The following LUZP2 variants were observed in gnomAD, a reference collection of about 807,000 sequenced individuals.
LUZP2 encodes the protein leucine zipper protein 2.
A neutral mutation model predicts 51.6 loss-of-function variants in LUZP2; 52 were observed. The observed-to-expected ratio is 1.01, with a 90% CI of 0.81 to 1.27. LUZP2 has a LOEUF of 1.27. Among genes scored for constraint, LUZP2 ranks in the 50% most tolerant of loss-of-function variants. The probability of loss-of-function intolerance (pLI) is 0.00; values close to 1 mark genes in which losing one functional copy is unlikely to be tolerated. For synonymous variants in LUZP2, 154 were observed against 137.3 expected, an observed-to-expected ratio of 1.12 and a Z score of -0.85; for missense variants, 436 against 395.4, an observed-to-expected ratio of 1.10 and a Z score of -0.87.
chr11:24,758,324 CGT>C (rs34105960), intron 4 of LUZP2, among the ~76,000 whole-genome samples: 3,789 of 147,710 alleles, frequency 0.026, 146 homozygotes, highest in African/African-American at 0.084. Flanking sequence ...GAATGACTTG[CGT>C]GTGTGTGTGT....
In LUZP2 at chr11:24,920,454, C is replaced by T. The variant is rs144092007; in HGVS notation, c.522+5916C>T. Among the ~76,000 whole-genome samples the T allele has an allele frequency of 4.8e-3, 722 of 151,896 alleles. 6 individuals carry two copies. Among genetic ancestry groups the T allele is most frequent in the African/African-American group, 0.012 (507 of 41,460 alleles). On this transcript the variant is annotated intron_variant, in intron 7 of 11. Coordinates refer to ENST00000336930, the MANE Select transcript of LUZP2 (RefSeq NM_001009909.4). ...TCTCACTGTTGGGTATCTACTCCCC[C>T]AAAAAGAAATAATTAAATCAAAACT...
At chr11:24,979,123 G>A (rs1855956181) in intron 8 of LUZP2, among the ~76,000 whole-genome samples, 1 of 151,812 alleles carries the variant, frequency 6.6e-6, no homozygotes, top group East Asian at 1.9e-4. Flanking sequence ...ATTACACGTA[G>A]CCAAAAATTA....
chr11:24,798,534 C>T (rs11028180), intron 5 of LUZP2, among the ~76,000 whole-genome samples: 3,022 of 152,240 alleles, frequency 0.02, 43 homozygotes, highest in Non-Finnish European at 0.028. Flanking sequence ...AATATATTTG[C>T]GCCACAAGGG....
intron 5 of LUZP2, among the ~76,000 whole-genome samples, chr11:24,796,299 A>G (rs1849541846): frequency 6.6e-6 from 1 of 152,088 alleles, no homozygotes; most frequent in South Asian, 2.1e-4. Context: ...AGAGTTTTCT[A>G]TGTTTAGCAT....
At chr11:24,841,065 A>G (rs1391178050) in intron 5 of LUZP2, among the ~76,000 whole-genome samples, 2 of 151,948 alleles carry the variant, frequency 1.3e-5, no homozygotes, top group Non-Finnish European at 2.9e-5. Context: ...ACTTTGGAGT[A>G]GTGTTATAGA....
chr11:24,659,721 A>G (rs1311626107), intron 1 of LUZP2, among the ~76,000 whole-genome samples: 1 of 152,154 alleles, frequency 6.6e-6, no homozygotes, highest in African/African-American at 2.4e-5. Flanking sequence ...TAAAATTATT[A>G]AAATATTTTT....
At position 24,962,001 on chromosome 11, in the gene LUZP2, T is replaced by A. The variant is rs999774535; in HGVS notation, c.523-14590T>A. 5.9e-5 allele frequency among the ~76,000 whole-genome samples: 9 copies of A among 151,950 alleles called. 1 individual carries two copies. In the East Asian group the frequency reaches 1.7e-3, roughly 29 times the overall value. ...GTAAAGTATTTTATTTCTCCTTCAC[T>A]TATGAAGCTTAGTTTGGCTGGATAT... On this transcript the variant is annotated intron_variant, in intron 7 of 11. Transcript: ENST00000336930.
chr11:25,019,010 T>C (rs11028351), intron 9 of LUZP2, among the ~76,000 whole-genome samples: 88,976 of 152,078 alleles, frequency 0.59, 27,259 homozygotes, highest in African/African-American at 0.77. Context: ...TACCCTCCTC[T>C]CAACATGCAG....
intron 1 of LUZP2, among the ~76,000 whole-genome samples, chr11:24,691,155 C>A (rs1857052777): frequency 6.6e-6 from 1 of 151,914 alleles, no homozygotes; most frequent in African/African-American, 2.4e-5. Context: ...GCCACATGTT[C>A]TAAGCAGTCC....
intron 4 of LUZP2, among the ~76,000 whole-genome samples, chr11:24,758,331 G>A (rs912174318): frequency 1.3e-5 from 2 of 151,870 alleles, no homozygotes; most frequent in African/African-American, 4.8e-5. Context: ...TTGCGTGTGT[G>A]TGTGTGTGTG....
intron 5 of LUZP2, chr11:24,786,815 G>T (rs1225449291): frequency 6.6e-6 from 1 of 150,432 alleles, no homozygotes; most frequent in East Asian, 2.0e-4. Context: ...TTAAACAATT[G>T]CCTATGTTTT....
At chr11:24,693,162 C>T (rs924144748) in intron 1 of LUZP2, among the ~76,000 whole-genome samples, 1 of 151,822 alleles carries the variant, frequency 6.6e-6, no homozygotes. Context: ...CAGTTTTCTT[C>T]ATTCTTCTGT....
chr11:24,851,919 G>A (rs1197117599), intron 5 of LUZP2, among the ~76,000 whole-genome samples: 4 of 152,138 alleles, frequency 2.6e-5, no homozygotes, highest in African/African-American at 9.7e-5. Context: ...GGGGTTTATA[G>A]TATTCTCTGA....
intron 1 of LUZP2, among the ~76,000 whole-genome samples, chr11:24,593,988 G>T (rs1410020742): frequency 6.6e-6 from 1 of 152,168 alleles, no homozygotes; most frequent in African/African-American, 2.4e-5. Flanking sequence ...TTACATTGCT[G>T]TTGTATATAC....
chr11:24,986,628 T>G (rs1352645414), intron 9 of LUZP2, among the ~76,000 whole-genome samples: 1 of 151,418 alleles, frequency 6.6e-6, no homozygotes, highest in East Asian at 1.9e-4. Context: ...TGACTAACAT[T>G]TTTTCTACTG....
At position 24,602,126 on chromosome 11, in the gene LUZP2, G is replaced by GTGTA. The variant is rs1853699139; in HGVS notation, c.62+104822_62+104823insGTAT. Among the ~76,000 whole-genome samples the GTGTA allele has an allele frequency of 2.9e-5, 3 of 105,176 alleles. 1 individual carries two copies. Among genetic ancestry groups the GTGTA allele is most frequent in the African/African-American group, 1.1e-4 (3 of 26,176 alleles). The allele number at this position is 105,176 out of a possible 152,430, so 69.0% of individuals were successfully genotyped here. A position where few individuals can be genotyped will look rare whatever the true frequency, so the allele number is the denominator to read the frequency against. On this transcript the variant is annotated intron_variant, in intron 1 of 11. Coordinates refer to ENST00000336930, the MANE Select transcript of LUZP2 (RefSeq NM_001009909.4). ...TGTATATGTGTATATATGTATATAT[G>GTGTA]TATATGTGTATATATGTATATATGT...
intron 1 of LUZP2, among the ~76,000 whole-genome samples, chr11:24,688,925 C>T (rs552669742): frequency 3.3e-5 from 5 of 152,254 alleles, no homozygotes; most frequent in African/African-American, 1.2e-4. Context: ...GATCTCAGCC[C>T]TCCCTCCCTG....
chr11:25,018,037 G>GTTTTTT (rs1410360304), intron 9 of LUZP2, among the ~76,000 whole-genome samples: 51 of 131,092 alleles, frequency 3.9e-4, no homozygotes, highest in Non-Finnish European at 7.3e-4. Context: ...TTTTGTTTCT[G>GTTTTTT]TTTTTTTTTT....
At chr11:24,742,261 T>C (rs1179293100) in intron 4 of LUZP2, among the ~76,000 whole-genome samples, 1 of 151,520 alleles carries the variant, frequency 6.6e-6, no homozygotes, top group Non-Finnish European at 1.5e-5. Context: ...CTTTTACTTA[T>C]TTAAGGAATC....
Sources: allele counts gnomAD v4.1 joint callset (sites outside exome capture counted in the v4.1 genomes callset), GRCh38; gene constraint gnomAD v4.1.1; transcripts MANE v1.5; gene names NCBI Gene and HGNC (gene_info 2026-07-23, HGNC 2026-07-21).